SORCS2: variants seen among roughly 807,000 people sequenced by gnomAD.
SORCS2 encodes the protein sortilin related VPS10 domain containing receptor 2.
Under a neutral mutation model 141.6 loss-of-function variants are expected in SORCS2, and 100 were observed. The ratio of observed to expected loss-of-function variants is 0.71; its 90% CI spans 0.60 to 0.83. SORCS2 has a LOEUF of 0.83. Ranked by LOEUF, SORCS2 falls within the 40% of genes least tolerant of loss-of-function variation. The pLI, the probability that SORCS2 is intolerant of heterozygous loss-of-function variation, is 0.00. For missense variants in SORCS2, 1,646 were observed against 1,560.2 expected, an observed-to-expected ratio of 1.05 and a Z score of -0.93; for synonymous variants, 789 against 676.9, an observed-to-expected ratio of 1.17 and a Z score of -2.57.
chr4:7,629,906 A>T (rs1225980719), intron 3 of SORCS2, among the ~76,000 whole-genome samples: 5 of 152,094 alleles, frequency 3.3e-5, no homozygotes, highest in Non-Finnish European at 7.4e-5. Context: ...CCTGAAACTT[A>T]GTGTGCTCTT....
chr4:7,358,484 G>A (rs1433205980), intron 1 of SORCS2, among the ~76,000 whole-genome samples: 2 of 152,342 alleles, frequency 1.3e-5, no homozygotes, highest in East Asian at 1.9e-4. Context: ...CCAGAGTACT[G>A]AGCTTGCCAG....
chr4:7,253,982 C>T (rs911615431), intron 1 of SORCS2, among the ~76,000 whole-genome samples: 4 of 152,220 alleles, frequency 2.6e-5, no homozygotes, highest in African/African-American at 9.7e-5. Context: ...GATATCATCT[C>T]ACCCCAGTCA....
chr4:7,617,273 C>T (rs1325840607), intron 3 of SORCS2, among the ~76,000 whole-genome samples: 1 of 152,106 alleles, frequency 6.6e-6, no homozygotes, highest in East Asian at 1.9e-4. Context: ...ACCCACTCAC[C>T]CCATTATCCA....
At chr4:7,444,119 G>C (rs1467334586) in intron 2 of SORCS2, among the ~76,000 whole-genome samples, 1 of 152,188 alleles carries the variant, frequency 6.6e-6, no homozygotes, top group East Asian at 1.9e-4. Context: ...GCAAACACTT[G>C]TACCATGTTT....
intron 3 of SORCS2, among the ~76,000 whole-genome samples, chr4:7,553,584 A>T (rs1454410092): frequency 2.6e-5 from 4 of 152,236 alleles, no homozygotes; most frequent in African/African-American, 9.6e-5. Flanking sequence ...CCTGGAAAAC[A>T]TCTCTTGCCA....
intron 1 of SORCS2, among the ~76,000 whole-genome samples, chr4:7,278,357 T>A (rs1332206127): frequency 2.6e-5 from 4 of 152,094 alleles, no homozygotes; most frequent in Non-Finnish European, 1.5e-5. Context: ...TTCTTCTTCA[T>A]CATCAACTCC....
At chr4:7,646,490 CACAG>C (rs1159787517) in intron 4 of SORCS2, among the ~76,000 whole-genome samples, 5 of 152,156 alleles carry the variant, frequency 3.3e-5, no homozygotes, top group South Asian at 2.1e-4. Flanking sequence ...GAGATCAGGA[CACAG>C]ACAGAGGCGG....
chr4:7,724,372 A>G (rs1194703025), intron 19 of SORCS2, among the ~76,000 whole-genome samples: 2 of 128,606 alleles, frequency 1.6e-5, no homozygotes, highest in Non-Finnish European at 3.2e-5. Flanking sequence ...AATGGTGATG[A>G]TGGTGGTGAT....
chr4:7,557,303 G>A lies in SORCS2; in HGVS notation c.648+25674G>A, dbSNP rs185938330. 2.1e-4 allele frequency among the ~76,000 whole-genome samples: 32 copies of A among 152,250 alleles called. No homozygotes were observed. In the East Asian group the frequency reaches 5.4e-3, roughly 26 times the overall value. On this transcript the variant is annotated intron_variant, in intron 3 of 26. Coordinates refer to ENST00000507866, the MANE Select transcript of SORCS2 (RefSeq NM_020777.3). ...CGGTGGCAGGGATGGCTGGGGGCACGGGCAGATTGGGGAGAGTGGCAAATG... is the reference window on the plus strand; with the variant it reads ...CGGTGGCAGGGATGGCTGGGGGCACAGGCAGATTGGGGAGAGTGGCAAATG...
intron 1 of SORCS2, among the ~76,000 whole-genome samples, chr4:7,242,087 C>A (rs910528739): frequency 6.6e-6 from 1 of 152,178 alleles, no homozygotes; most frequent in African/African-American, 2.4e-5. Context: ...TCAGACCCAC[C>A]CTGGCTGCCG....
chr4:7,484,669 T>TA (rs1730864283), intron 2 of SORCS2, among the ~76,000 whole-genome samples: 2 of 152,090 alleles, frequency 1.3e-5, no homozygotes, highest in African/African-American at 4.8e-5. Context: ...GTTTAAAAGC[T>TA]AAAAAACAAA....
intron 1 of SORCS2, among the ~76,000 whole-genome samples, chr4:7,294,449 C>T (rs562471201): frequency 6.6e-6 from 1 of 151,994 alleles, no homozygotes; most frequent in African/African-American, 2.4e-5. Context: ...GGCCTGCAGA[C>T]CTTCAGATCA....
At chr4:7,212,204 C>T (rs1370022577) in intron 1 of SORCS2, among the ~76,000 whole-genome samples, 1 of 152,164 alleles carries the variant, frequency 6.6e-6, no homozygotes, top group Non-Finnish European at 1.5e-5. Flanking sequence ...TCTTCCCAGA[C>T]CCTGCCGGAA....
At chr4:7,480,008 C>A (rs1730534053) in intron 2 of SORCS2, among the ~76,000 whole-genome samples, 1 of 152,358 alleles carries the variant, frequency 6.6e-6, no homozygotes, top group African/African-American at 2.4e-5. Context: ...TCAGGGTCTG[C>A]TTAGGCACCT....
chr4:7,262,504 C>G (rs1714429912), intron 1 of SORCS2, among the ~76,000 whole-genome samples: 1 of 152,152 alleles, frequency 6.6e-6, no homozygotes, highest in African/African-American at 2.4e-5. Flanking sequence ...GGCCCCTGTC[C>G]TCTCAGAGCT....
intron 1 of SORCS2, among the ~76,000 whole-genome samples, chr4:7,381,679 T>A (rs1577473948): frequency 6.6e-6 from 1 of 152,280 alleles, no homozygotes; most frequent in East Asian, 1.9e-4. Flanking sequence ...AAGAGCAGGC[T>A]CTTCTAATCC....
At chr4:7,365,713 G>A (rs968984650) in intron 1 of SORCS2, among the ~76,000 whole-genome samples, 5 of 152,260 alleles carry the variant, frequency 3.3e-5, no homozygotes, top group African/African-American at 9.6e-5. Flanking sequence ...TGTGCCTGTC[G>A]AACCTGGCAC....
chr4:7,541,581 C>T (rs1206450625), intron 3 of SORCS2, among the ~76,000 whole-genome samples: 1 of 152,206 alleles, frequency 6.6e-6, no homozygotes, highest in African/African-American at 2.4e-5. Context: ...CAGGGCCTTG[C>T]TCGGGGGCGC....
At chr4:7,412,172 C>T (rs927138791) in intron 2 of SORCS2, among the ~76,000 whole-genome samples, 14 of 152,198 alleles carry the variant, frequency 9.2e-5, no homozygotes, top group Admixed American at 7.2e-4. Flanking sequence ...GAGTGTGTCA[C>T]GGCCCATCGG....
Sources: allele counts gnomAD v4.1 joint callset (sites outside exome capture counted in the v4.1 genomes callset), GRCh38; gene constraint gnomAD v4.1.1; transcripts MANE v1.5; gene names NCBI Gene and HGNC (gene_info 2026-07-23, HGNC 2026-07-21).